Variants in PCCB observed in about 807,000 individuals in gnomAD.
The protein encoded by PCCB is propionyl-CoA carboxylase subunit beta, also known as propionyl-CoA carboxylase beta chain, mitochondrial.
Under a neutral mutation model 60.7 loss-of-function variants are expected in PCCB, and 43 were observed. That is an observed-to-expected ratio of 0.71 (90% confidence interval 0.55 to 0.91). The LOEUF is 0.91. Ranked by LOEUF, PCCB falls within the 40% of genes least tolerant of loss-of-function variation. The pLI is 0.00. For missense variants in PCCB, 766 were observed against 702.8 expected (o/e 1.09, Z -1.02); for synonymous variants, 276 against 255.9 (o/e 1.08, Z -0.75).
rs1162281663 is a variant in PCCB at position 136,317,317 on chromosome 3, G to C, written c.1090+253G>C. ...GCACACTGGACCCTCTGCCTCCCAG[G>C]GTCAAGCAGTCCTTCCACCTCGGCC... On this transcript the variant is annotated intron_variant, in intron 10 of 14. Transcript: ENST00000251654. Among the ~76,000 whole-genome samples the C allele has an allele frequency of 5.8e-5, 8 of 139,068 alleles. No individual in the cohort carries two copies. In the Admixed American group the frequency reaches 5.9e-4, roughly 10 times the overall value. 91.2% of individuals were successfully genotyped at this position (139,068 alleles called of 152,430 possible). A position where few individuals can be genotyped will look rare whatever the true frequency, so the allele number is the denominator to read the frequency against.
At chr3:136,297,229 A>G (rs1372553592) in intron 7 of PCCB, among the ~76,000 whole-genome samples, 1 of 152,158 alleles carries the variant, frequency 6.6e-6, no homozygotes, top group Non-Finnish European at 1.5e-5. Flanking sequence ...ATCAGTGAAC[A>G]AGGAGGATCA....
intron 5 of PCCB, among the ~76,000 whole-genome samples, chr3:136,263,562 A>G (rs900591815): frequency 1.3e-5 from 2 of 151,844 alleles, no homozygotes; most frequent in African/African-American, 4.8e-5. Context: ...GTGAGTCACC[A>G]CGCCTGGCTT....
In PCCB at chr3:136,308,010, A is replaced by T. The variant is rs968530948; in HGVS notation, c.966+6899A>T. Among the ~76,000 whole-genome samples, 6 of 151,352 alleles carry T rather than the reference A, an allele frequency of 4.0e-5. No individual in the cohort carries two copies. The East Asian group carries it at 1.2e-3, about 30-fold the overall frequency. The stretch of plus-strand genomic sequence containing the variant: ...ATAATAATAATAATAATATGATAGT[A>T]AAAAAGTGTCATACCAATAAATATG... On this transcript the variant is annotated intron_variant, in intron 9 of 14. Transcript: ENST00000251654.
At chr3:136,327,766 A>C in intron 13 of PCCB, 34 bp downstream of exon 13, 2 of 1,515,136 alleles carry the variant, frequency 1.3e-6, no homozygotes, top group Middle Eastern at 2.1e-4. Flanking sequence ...TTCTGGGTCC[A>C]AGGACTCGAC....
Position 136,327,268 on chromosome 3 carries a change from T to C in PCCB, c.1299+13T>C, listed in dbSNP as rs185352554. On this transcript the variant is annotated intron_variant, in intron 12 of 14. Coordinates refer to ENST00000251654, the MANE Select transcript of PCCB (RefSeq NM_000532.5). ...CATCACCAGGAAGGTGAGGACCTCATGTTGGAGGCCATGACCCTGCTCACT... is the reference window on the plus strand; with the variant it reads ...CATCACCAGGAAGGTGAGGACCTCACGTTGGAGGCCATGACCCTGCTCACT... The C allele has an allele frequency of 1.5e-4, 238 of 1,596,374 alleles. 1 individual carries two copies. In the Admixed American group the frequency reaches 3.9e-3, roughly 26 times the overall value.
At chr3:136,324,166 G>C (rs978751457) in intron 10 of PCCB, among the ~76,000 whole-genome samples, 3 of 151,924 alleles carry the variant, frequency 2.0e-5, no homozygotes, top group African/African-American at 7.3e-5. Context: ...GGCTGGTCTT[G>C]AACTCCTGTC....
At chr3:136,317,211 A>G (rs1371734847) in intron 10 of PCCB, 147 bp downstream of exon 10, 1 of 322,528 alleles carries the variant, frequency 3.1e-6, no homozygotes, top group Non-Finnish European at 5.0e-6. Context: ...TATAAAAGCT[A>G]ATTTTTTTTT....
At chr3:136,284,248 A>C (rs887802703) in intron 6 of PCCB, among the ~76,000 whole-genome samples, 4 of 152,180 alleles carry the variant, frequency 2.6e-5, no homozygotes, top group African/African-American at 9.7e-5. Context: ...ATGACTGTTT[A>C]CTGAGTCCTA....
chr3:136,274,139 T>C (rs1942279677), intron 5 of PCCB, among the ~76,000 whole-genome samples: 1 of 152,108 alleles, frequency 6.6e-6, no homozygotes, highest in African/African-American at 2.4e-5. Context: ...AACATTAATA[T>C]TGAGATGTGA....
At position 136,301,074 on chromosome 3, in the gene PCCB, C is replaced by T. The variant is rs1934256737; in HGVS notation, c.929C>T (p.Ser310Leu). ...PELDTIVPLE[S>L]TKAYNMVDII... ...CTTGACACAATTGTCCCTTTGGAAT[C>T]AACCAAAGCCTACAACATGGTGGAC... Residue 310 changes from serine to leucine, a missense_variant, in exon 9 of 15, where the codon TCA becomes TTA. Transcript: ENST00000251654. The T allele has an allele frequency of 6.2e-7, 1 of 1,613,976 alleles. No individual in the cohort carries two copies. Among genetic ancestry groups the T allele is most frequent in the Non-Finnish European group, 8.5e-7 (1 of 1,179,952 alleles).
At chr3:136,260,282 C>G (rs564781623) in intron 3 of PCCB, 197 bp from the exon 4 acceptor site, 1 of 666,044 alleles carries the variant, frequency 1.5e-6, no homozygotes, top group South Asian at 1.6e-5. Context: ...TCTGCCATGT[C>G]GCCCAGGCTG....
chr3:136,315,642 G>A (rs1333926765), intron 9 of PCCB, among the ~76,000 whole-genome samples: 6 of 151,896 alleles, frequency 4.0e-5, no homozygotes, highest in Non-Finnish European at 1.5e-5. Flanking sequence ...ACCAGCCTGC[G>A]CAACATAGCA....
chr3:136,313,390 G>A (rs1216176600), intron 9 of PCCB, among the ~76,000 whole-genome samples: 3 of 152,166 alleles, frequency 2.0e-5, no homozygotes, highest in Non-Finnish European at 4.4e-5. Flanking sequence ...ACAGTACTAT[G>A]CAGAAGTGAA....
intron 5 of PCCB, among the ~76,000 whole-genome samples, chr3:136,269,885 CAAAA>C (rs1159032335): frequency 1.6e-5 from 1 of 60,654 alleles, no homozygotes; most frequent in Non-Finnish European, 3.4e-5. Context: ...GACTCTGTCT[CAAAA>C]AAAAAAAAAA....
intron 6 of PCCB, among the ~76,000 whole-genome samples, chr3:136,292,529 AC>A (rs2108195394): frequency 6.6e-6 from 1 of 152,324 alleles, no homozygotes; most frequent in East Asian, 1.9e-4. Flanking sequence ...TTTGGAAACA[AC>A]CTTCATGACC....
intron 12 of PCCB, 37 bp downstream of exon 12, chr3:136,327,292 C>A: frequency 6.6e-7 from 1 of 1,505,992 alleles, no homozygotes; most frequent in Non-Finnish European, 9.2e-7. Context: ...ACCCTGCTCA[C>A]TTTCCTACAG....
intron 5 of PCCB, among the ~76,000 whole-genome samples, chr3:136,267,347 A>G (rs1318138103): frequency 2.0e-5 from 3 of 152,004 alleles, no homozygotes; most frequent in Non-Finnish European, 4.4e-5. Context: ...TAGTACACCC[A>G]GCTAATTTTT....
At chr3:136,329,766 A>C in intron 14 of PCCB, 139 bp from the exon 15 acceptor site, 1 of 877,352 alleles carries the variant, frequency 1.1e-6, no homozygotes. Context: ...GGGAATTCAC[A>C]GGGCCTACCA....
intron 8 of PCCB, among the ~76,000 whole-genome samples, chr3:136,299,374 ATATGCATATG>A (rs1461068116): frequency 6.6e-5 from 10 of 152,020 alleles, no homozygotes; most frequent in Non-Finnish European, 5.9e-5. Flanking sequence ...GCATAGGTAT[ATATGCATATG>A]TATGTATATG....
Sources: allele counts gnomAD v4.1 joint callset (sites outside exome capture counted in the v4.1 genomes callset), GRCh38; gene constraint gnomAD v4.1.1; transcripts MANE v1.5; gene names NCBI Gene and HGNC (gene_info 2026-07-23, HGNC 2026-07-21).